The following CEP112 variants were observed in gnomAD, a reference collection of about 807,000 sequenced individuals.
CEP112 encodes the protein centrosomal protein 112.
In CEP112, 127 loss-of-function variants were observed where a neutral mutation model predicts 153.0. The ratio of observed to expected loss-of-function variants is 0.83; its 90% CI spans 0.72 to 0.96. CEP112 has a LOEUF of 0.96. Ranked by LOEUF, CEP112 falls within the 40% of genes least tolerant of loss-of-function variation. The pLI is 0.00. For missense variants in CEP112, 1,089 were observed against 1,101.2 expected (o/e 0.99, Z 0.16); for synonymous variants, 358 against 374.4 (o/e 0.96, Z 0.51).
intron 18 of CEP112, among the ~76,000 whole-genome samples, chr17:65,956,409 T>C (rs12951949): frequency 0.41 from 59,749 of 145,750 alleles, 13,476 homozygotes; most frequent in East Asian, 0.86. Flanking sequence ...CATACATACA[T>C]ACACACACAC....
At chr17:65,806,245 C>T (rs1169797254) in intron 21 of CEP112, among the ~76,000 whole-genome samples, 1 of 152,050 alleles carries the variant, frequency 6.6e-6, no homozygotes. Context: ...ATAACAAAAA[C>T]AGTAATAATA....
At position 65,851,849 on chromosome 17, in the gene CEP112, C is replaced by T. The variant is rs758037715; in HGVS notation, c.2349G>A (p.Glu783=). Residue 783 remains glutamate, a synonymous_variant, in exon 21 of 27, where the codon GAG becomes GAA. Transcript: ENST00000535342. ...LKAESEKMKI[E]LKKTHAAETE... ...TCTCAGCAGCATGAGTCTTTTTCAG[C>T]TCTATTTTCATCTTTTCTGATTCAG... 6.2e-7 allele frequency: 1 copy of T among 1,614,082 alleles called. No individual in the cohort carries two copies. Among genetic ancestry groups the T allele is most frequent in the South Asian group, 1.1e-5 (1 of 91,080 alleles).
intron 23 of CEP112, among the ~76,000 whole-genome samples, chr17:65,715,958 T>G (rs989450563): frequency 1.3e-5 from 2 of 152,140 alleles, no homozygotes; most frequent in Non-Finnish European, 2.9e-5. Context: ...ACTAAAAATA[T>G]GTAGGAGGAA....
chr17:65,680,326 T>C lies in CEP112; in HGVS notation c.2697+8803A>G, dbSNP rs77725855. ...GATAAAAGTCTAGACAAGAATACACTGAGAAAAAGTCACTTAGAATATGTT... is the reference window on the plus strand; with the variant it reads ...GATAAAAGTCTAGACAAGAATACACCGAGAAAAAGTCACTTAGAATATGTT... On this transcript the variant is annotated intron_variant, in intron 24 of 26. Coordinates refer to ENST00000535342, the MANE Select transcript of CEP112 (RefSeq NM_001199165.4). 1.1e-3 allele frequency among the ~76,000 whole-genome samples: 163 copies of C among 152,272 alleles called. 2 individuals carry two copies. The East Asian group carries it at 0.027, about 25-fold the overall frequency.
chr17:65,752,103 A>G (rs750982690), intron 21 of CEP112, among the ~76,000 whole-genome samples: 1 of 151,598 alleles, frequency 6.6e-6, no homozygotes, highest in East Asian at 1.9e-4. Context: ...ATCTACACAT[A>G]TATTTTAATT....
intron 21 of CEP112, among the ~76,000 whole-genome samples, chr17:65,816,503 T>C (rs948664743): frequency 4.6e-5 from 7 of 152,164 alleles, no homozygotes; most frequent in East Asian, 3.9e-4. Context: ...CTGTTCTTTA[T>C]TGGCTCTTTG....
chr17:66,031,820 A>C (rs1844185109), intron 12 of CEP112, among the ~76,000 whole-genome samples: 1 of 152,110 alleles, frequency 6.6e-6, no homozygotes, highest in Non-Finnish European at 1.5e-5. Context: ...AAAACATCAT[A>C]GAGATGAGGC....
At chr17:66,175,878 C>T (rs1438734565) in intron 3 of CEP112, among the ~76,000 whole-genome samples, 1 of 152,206 alleles carries the variant, frequency 6.6e-6, no homozygotes, top group Non-Finnish European at 1.5e-5. Flanking sequence ...TACCTTTACA[C>T]GTTTCTAAAG....
chr17:65,828,075 A>G (rs1025537942), intron 21 of CEP112, among the ~76,000 whole-genome samples: 1 of 152,206 alleles, frequency 6.6e-6, no homozygotes, highest in Non-Finnish European at 1.5e-5. Flanking sequence ...TACTAGAATG[A>G]GCTCTGAGGG....
intron 21 of CEP112, among the ~76,000 whole-genome samples, chr17:65,776,437 G>A (rs778239195): frequency 3.9e-5 from 6 of 152,220 alleles, no homozygotes; most frequent in African/African-American, 7.2e-5. Context: ...ATGTTAGCCC[G>A]GATGGTCTCG....
intron 21 of CEP112, among the ~76,000 whole-genome samples, chr17:65,791,271 C>T (rs1436613471): frequency 6.6e-6 from 1 of 152,052 alleles, no homozygotes; most frequent in Admixed American, 6.5e-5. Context: ...AATATTTCTC[C>T]AAACAGGATT....
intron 9 of CEP112, among the ~76,000 whole-genome samples, chr17:66,067,905 C>T (rs746767144): frequency 2.0e-5 from 3 of 151,958 alleles, no homozygotes; most frequent in Non-Finnish European, 4.4e-5. Context: ...TCCCTGGATC[C>T]GCCCACAAGC....
At chr17:65,970,422 A>ACATGCATGCACACAT (rs2062665166) in intron 17 of CEP112, among the ~76,000 whole-genome samples, 1 of 128,742 alleles carries the variant, frequency 7.8e-6, no homozygotes, top group African/African-American at 3.1e-5. Context: ...CATGTATATT[A>ACATGCATGCACACAT]CATGCATGCA....
rs1246499429 is a variant in CEP112 at position 65,891,327 on chromosome 17, C to T, written c.2163+10825G>A. Among the ~76,000 whole-genome samples, 5 of 152,274 alleles carry T rather than the reference C, an allele frequency of 3.3e-5. No homozygotes were observed. The South Asian group carries it at 8.3e-4, about 25-fold the overall frequency. ...TATTATCTATATGCTCAGTTCGCAT[C>T]TCTGGAATCTCAACCTGCATATCCA... On this transcript the variant is annotated intron_variant, in intron 20 of 26. Coordinates refer to ENST00000535342, the MANE Select transcript of CEP112 (RefSeq NM_001199165.4).
intron 16 of CEP112, among the ~76,000 whole-genome samples, chr17:66,010,759 T>C (rs2064488419): frequency 6.6e-6 from 1 of 152,220 alleles, no homozygotes; most frequent in Non-Finnish European, 1.5e-5. Flanking sequence ...ATGAATTGCA[T>C]TTATTGATTT....
At chr17:65,691,416 T>C (rs1044793266) in intron 23 of CEP112, among the ~76,000 whole-genome samples, 1 of 152,192 alleles carries the variant, frequency 6.6e-6, no homozygotes, top group African/African-American at 2.4e-5. Context: ...ACCATAGTTT[T>C]ATGATTTTGC....
At chr17:65,873,779 A>G (rs1280368272) in intron 20 of CEP112, 2 of 152,256 alleles carry the variant, frequency 1.3e-5, no homozygotes, top group African/African-American at 4.8e-5. Flanking sequence ...CCAAGAAATC[A>G]GAAACTACAT....
intron 6 of CEP112, among the ~76,000 whole-genome samples, chr17:66,120,760 T>C (rs1351434475): frequency 6.6e-6 from 1 of 152,218 alleles, no homozygotes; most frequent in Non-Finnish European, 1.5e-5. Context: ...TCTTTGTCAG[T>C]CTGGCTAAAA....
chr17:65,971,602 GTGTGC>G (rs1568320677), intron 17 of CEP112, among the ~76,000 whole-genome samples: 1 of 54,074 alleles, frequency 1.8e-5, no homozygotes, highest in African/African-American at 4.7e-5. Flanking sequence ...CATGCATATT[GTGTGC>G]ATATTATATG....
Sources: allele counts gnomAD v4.1 joint callset (sites outside exome capture counted in the v4.1 genomes callset), GRCh38; gene constraint gnomAD v4.1.1; transcripts MANE v1.5; gene names NCBI Gene and HGNC (gene_info 2026-07-23, HGNC 2026-07-21).